Variants in ZNF432 observed in about 807,000 individuals in gnomAD.
ZNF432 encodes the protein zinc finger protein 432.
A neutral mutation model predicts 13.9 loss-of-function variants in ZNF432; 10 were observed. The observed-to-expected ratio is 0.72, with a 90% confidence interval of 0.44 to 1.22. The LOEUF (loss-of-function observed/expected upper bound fraction) is 1.22. Among genes scored for constraint, ZNF432 ranks in the 50% most tolerant of loss-of-function variants. The pLI is 0.00. For synonymous variants in ZNF432, 247 were observed against 256.2 expected (o/e 0.96, Z 0.34); for missense variants, 793 against 796.2 (o/e 1.00, Z 0.05).
chr19:52,035,338 G>A lies in ZNF432; in HGVS notation c.341C>T (p.Ala114Val), dbSNP rs763225508. 40 of 1,612,320 alleles carry A rather than the reference G, an allele frequency of 2.5e-5. No homozygotes were observed. Among genetic ancestry groups the A allele is most frequent in the Middle Eastern group, 1.6e-4 (1 of 6,070 alleles). The stretch of plus-strand genomic sequence containing the variant: ...AAGACAAAGGCTTTTGGTTTGAGAG[G>A]CAGTATTTCCAAATGCATTATGTTC... ...YHEHNAFGNT[A>V]SQTKSLCLFR... Residue 114 changes from alanine to valine, a missense_variant, in exon 5 of 5, where the codon GCC (alanine) becomes GTC (valine). By Grantham distance (64) the Ala-to-Val change is moderately conservative. Transcript: ENST00000221315.
intron 2 of ZNF432, among the ~76,000 whole-genome samples, chr19:52,046,438 C>A (rs935490627): frequency 5.3e-5 from 8 of 152,202 alleles, no homozygotes; most frequent in African/African-American, 1.9e-4. Flanking sequence ...AGTAAGAAAT[C>A]TTCTGCCTTT....
intron 1 of ZNF432, 166 bp from the exon 2 acceptor site, chr19:52,047,226 G>A (rs2087193475): frequency 3.4e-6 from 1 of 297,416 alleles, no homozygotes; most frequent in African/African-American, 2.2e-5. Flanking sequence ...GAAAGGGGAG[G>A]TCACAAAGGA....
At chr19:52,045,060 C>T (rs1014262516) in intron 2 of ZNF432, among the ~76,000 whole-genome samples, 4 of 152,072 alleles carry the variant, frequency 2.6e-5, no homozygotes, top group African/African-American at 9.7e-5. Context: ...TGTGTTGGGC[C>T]ACATTCAAAG....
Position 52,034,899 on chromosome 19 carries a change from A to T in ZNF432, c.780T>A (p.Ser260=). 1.2e-6 allele frequency: 2 copies of T among 1,613,496 alleles called. No homozygotes were observed. The highest frequency in any genetic ancestry group is 1.7e-6 in the Non-Finnish European group (2 of 1,179,816). Reference sequence around the variant, plus strand: ...CTTTTCCACATTCACTGCATATAAAAGATTTCTCTCTTTTATGAATTCTTT... The same window carrying T: ...CTTTTCCACATTCACTGCATATAAATGATTTCTCTCTTTTATGAATTCTTT... The part of the protein sequence containing the change: ...EHQRIHKREK[S]FICSECGKVF... The change falls in exon 5 of 5, where the codon TCT becomes TCA. Residue 260 remains serine, a synonymous_variant. Coordinates refer to ENST00000221315, the MANE Select transcript of ZNF432 (RefSeq NM_014650.4).
chr19:52,039,411 C>T (rs557290137), intron 4 of ZNF432, among the ~76,000 whole-genome samples: 4 of 152,206 alleles, frequency 2.6e-5, no homozygotes, highest in African/African-American at 9.6e-5. Flanking sequence ...AGAAATTAAG[C>T]ACTGATACAT....
Position 52,035,388 on chromosome 19 carries a change from C to G in ZNF432, c.291G>C (p.Met97Ile). ...CATGGTATTGTTCCACACTCTTCAG[C>G]ATCCTTTGATTTTCCAAGTGATCCT... ...HLQDHLENQRMLKSVEQYHEH... is the reference protein window; with the variant it reads ...HLQDHLENQRILKSVEQYHEH... Residue 97 changes from methionine (M) to isoleucine (I), a missense_variant, in exon 5 of 5, where the codon ATG becomes ATC. Transcript: ENST00000221315. 1 of 1,576,238 alleles carries G rather than the reference C, an allele frequency of 6.3e-7. No individual in the cohort carries two copies. Among genetic ancestry groups the G allele is most frequent in the Non-Finnish European group, 8.6e-7 (1 of 1,167,582 alleles).
Position 52,032,604 on chromosome 19 carries a change from T to G in ZNF432, c.*1116A>C, listed in dbSNP as rs1172588370. On this transcript the variant is annotated 3_prime_UTR_variant, in exon 5 of 5. Transcript: ENST00000221315. ...GCGTGAGCCACCATGCTCGGCTAAT[T>G]TTGTATTTTTAGTAGAGAGGGGGGC... 1 of 152,036 alleles carries G rather than the reference T, an allele frequency of 6.6e-6. No individual in the cohort carries two copies. Among genetic ancestry groups the G allele is most frequent in the Non-Finnish European group, 1.5e-5 (1 of 68,012 alleles). The allele number at this position is 152,036 out of a possible 1,614,324, so 9.4% of individuals were successfully genotyped here. A position where few individuals can be genotyped will look rare whatever the true frequency, so the allele number is the denominator to read the frequency against.
intron 4 of ZNF432, among the ~76,000 whole-genome samples, chr19:52,040,027 T>C (rs979514096): frequency 2.6e-5 from 4 of 151,906 alleles, no homozygotes; most frequent in Non-Finnish European, 5.9e-5. Flanking sequence ...TTGTATGGTA[T>C]GTAAATTATC....
intron 2 of ZNF432, among the ~76,000 whole-genome samples, chr19:52,044,754 T>C (rs1014314680): frequency 2.6e-5 from 4 of 152,254 alleles, no homozygotes; most frequent in Non-Finnish European, 4.4e-5. Context: ...AAGGACTCCA[T>C]GTATCAGTTT....
In ZNF432 at chr19:52,041,386, C is replaced by T. The variant is rs1445670785; in HGVS notation, c.142+94G>A. The T allele has an allele frequency of 4.2e-6, 6 of 1,444,726 alleles. No individual in the cohort carries two copies. The African/African-American group carries it at 8.7e-5, about 21-fold the overall frequency. The allele number at this position is 1,444,726 out of a possible 1,614,324, so 89.5% of individuals were successfully genotyped here. A position where few individuals can be genotyped will look rare whatever the true frequency, so the allele number is the denominator to read the frequency against. On this transcript the variant is annotated intron_variant, in intron 3 of 4. Transcript: ENST00000221315. ...GAGGATGTGCCAAAAATCTAATATTCAGAGCACTGCAGTAACTTCCAAGGG... is the reference window on the plus strand; with the variant it reads ...GAGGATGTGCCAAAAATCTAATATTTAGAGCACTGCAGTAACTTCCAAGGG...
chr19:52,034,798 C>A lies in ZNF432; in HGVS notation c.881G>T (p.Cys294Phe), dbSNP rs566502831. The change falls in exon 5 of 5, where the codon TGT (cysteine) becomes TTT (phenylalanine). Residue 294 changes from cysteine (C) to phenylalanine (F), a missense_variant. Transcript: ENST00000221315. ...ACGCTTGCCTGGGAAGCCTTTTCCA[C>A]ATTCATTGCATATGTAGGGTTTCTC... ...TGEKPYICNE[C>F]GKGFPGKRNL... 12 of 1,612,224 alleles carry A rather than the reference C, an allele frequency of 7.4e-6. No individual in the cohort carries two copies. Among genetic ancestry groups the A allele is most frequent in the Non-Finnish European group, 1.0e-5 (12 of 1,179,200 alleles).
intron 2 of ZNF432, among the ~76,000 whole-genome samples, chr19:52,043,196 G>C (rs2087151408): frequency 6.6e-6 from 1 of 152,218 alleles, no homozygotes; most frequent in Non-Finnish European, 1.5e-5. Context: ...AGACATAGGA[G>C]ACTCCATTTT....
chr19:52,042,141 T>A (rs2087142267), intron 2 of ZNF432, among the ~76,000 whole-genome samples: 1 of 152,198 alleles, frequency 6.6e-6, no homozygotes, highest in African/African-American at 2.4e-5. Flanking sequence ...CACATACATA[T>A]AAATATATGT....
rs950109377 is a variant in ZNF432, at chr19:52,035,307, C to T, written c.372G>A (p.Arg124=). 3 of 1,611,994 alleles carry T rather than the reference C, an allele frequency of 1.9e-6. No individual in the cohort carries two copies. Among genetic ancestry groups the T allele is most frequent in the Non-Finnish European group, 2.5e-6 (3 of 1,179,534 alleles). The change falls in exon 5 of 5, where the codon AGG becomes AGA. Residue 124 remains arginine, a synonymous_variant. Coordinates refer to ENST00000221315, the MANE Select transcript of ZNF432 (RefSeq NM_014650.4). ...ASQTKSLCLF[R]ENHDTFELYI... ...ATAACTCAAATGTATCATGATTTTC[C>T]CTGAAAAGACAAAGGCTTTTGGTTT...
At chr19:52,038,078 T>C (rs932682656) in intron 4 of ZNF432, among the ~76,000 whole-genome samples, 1 of 152,128 alleles carries the variant, frequency 6.6e-6, no homozygotes, top group African/African-American at 2.4e-5. Context: ...AAATATAAAA[T>C]TAACCAACCC....
Position 52,034,160 on chromosome 19 carries a change from G to A in ZNF432, c.1519C>T (p.His507Tyr), listed in dbSNP as rs748914331. The A allele has an allele frequency of 6.2e-7, 1 of 1,614,116 alleles. No individual in the cohort carries two copies. The highest frequency in any genetic ancestry group is 1.7e-5 in the Admixed American group (1 of 60,008). ...CATATGTACGGTTTCTCTCCAGTATGAGTTCGCTGATGTAACATCAGTCCG... is the reference window on the plus strand; with the variant it reads ...CATATGTACGGTTTCTCTCCAGTATAAGTTCGCTGATGTAACATCAGTCCG... Reference protein sequence around the residue: ...NSGLMLHQRTHTGEKPYICNE... With the variant: ...NSGLMLHQRTYTGEKPYICNE... Residue 507 changes from histidine (H) to tyrosine (Y), a missense_variant, in exon 5 of 5, where the codon CAT (histidine) becomes TAT (tyrosine). Coordinates refer to ENST00000221315, the MANE Select transcript of ZNF432 (RefSeq NM_014650.4).
Position 52,039,842 on chromosome 19 carries a change from A to G in ZNF432, c.238+646T>C, listed in dbSNP as rs191834112. ...AGACTCCATCTCAAAAAAAAAAAAA[A>G]AAAAGAAAAGAAAAGAAAAAGAAAG... On this transcript the variant is annotated intron_variant, in intron 4 of 4. Coordinates refer to ENST00000221315, the MANE Select transcript of ZNF432 (RefSeq NM_014650.4). Among the ~76,000 whole-genome samples, 815 of 150,946 alleles carry G rather than the reference A, an allele frequency of 5.4e-3. 2 individuals carry two copies. The highest frequency in any genetic ancestry group is 0.027 in the Middle Eastern group (8 of 294).
At position 52,033,869 on chromosome 19, in the gene ZNF432, T is replaced by C. The variant is rs1225148785; in HGVS notation, c.1810A>G (p.Lys604Glu). 1.2e-6 allele frequency: 2 copies of C among 1,614,074 alleles called. No individual in the cohort carries two copies. The highest frequency in any genetic ancestry group is 1.3e-5 in the African/African-American group (1 of 74,946). Residue 604 changes from lysine (K) to glutamate (E), a missense_variant, in exon 5 of 5, where the codon AAA (lysine) becomes GAA (glutamate). Transcript: ENST00000221315. ...AGACGGCTCTTCATAGTGAAGCCTT[T>C]ACCACATTCATTACATCCATAAGGT... The part of the protein sequence containing the change: ...EKPYGCNECG[K>E]GFTMKSRLIV...
intron 3 of ZNF432, 143 bp from the exon 4 acceptor site, chr19:52,040,726 A>T: frequency 3.2e-6 from 2 of 628,114 alleles, no homozygotes; most frequent in Non-Finnish European, 5.6e-6. Context: ...GATTACAGTC[A>T]GACCTTAATA....
Sources: allele counts gnomAD v4.1 joint callset (sites outside exome capture counted in the v4.1 genomes callset), GRCh38; gene constraint gnomAD v4.1.1; transcripts MANE v1.5; gene names NCBI Gene and HGNC (gene_info 2026-07-23, HGNC 2026-07-21).